Variants in SEPTIN11 observed in about 807,000 individuals in gnomAD.
SEPTIN11 encodes septin 11.
SEPTIN11 carries 25 observed loss-of-function variants against 51.4 expected under a neutral mutation model. The observed-to-expected ratio is 0.49, with a 90% CI of 0.35 to 0.68. SEPTIN11 has a LOEUF of 0.68. SEPTIN11 is among the 30% of genes least tolerant of loss of function. The probability of loss-of-function intolerance (pLI) is 0.00; values close to 1 mark genes in which losing one functional copy is unlikely to be tolerated. For synonymous variants in SEPTIN11, 174 were observed against 184.1 expected (o/e 0.95, Z 0.44); for missense variants, 381 against 520.8 (o/e 0.73, Z 2.61).
chr4:76,984,190 C>T lies in SEPTIN11; in HGVS notation c.28-12235C>T, dbSNP rs559228732. On this transcript the variant is annotated intron_variant, in intron 1 of 9. Coordinates refer to ENST00000264893, the MANE Select transcript of SEPTIN11 (RefSeq NM_018243.4). This position sits in a 1 kb window ranked among gnomAD's most constrained non-coding sequence, Gnocchi z 4.1. Reference sequence around the variant, plus strand: ...ATTTTCAGGTGCTGGAAATGTGTCACTGGACTCAGATGTTCTAGGTCAGCC... The same window carrying T: ...ATTTTCAGGTGCTGGAAATGTGTCATTGGACTCAGATGTTCTAGGTCAGCC... Among the ~76,000 whole-genome samples, 3 of 152,252 alleles carry T rather than the reference C, an allele frequency of 2.0e-5. No homozygotes were observed. In the South Asian group the frequency reaches 6.2e-4, roughly 32 times the overall value.
rs1249537454 is a variant in SEPTIN11, at chr4:77,035,764, A to G, written c.*1252A>G. 2.0e-6 allele frequency: 2 copies of G among 985,768 alleles called. No individual in the cohort carries two copies. Among genetic ancestry groups the G allele is most frequent in the African/African-American group, 1.7e-5 (1 of 57,256 alleles). 61.1% of individuals were successfully genotyped at this position (985,768 alleles called of 1,614,324 possible). ...TCATCAGGGATTAGAACTGGCCCATATGCCAGAACCTGTACTAAATGCCTA... is the reference window on the plus strand; with the variant it reads ...TCATCAGGGATTAGAACTGGCCCATGTGCCAGAACCTGTACTAAATGCCTA... On this transcript the variant is annotated 3_prime_UTR_variant, in exon 10 of 10. Coordinates refer to ENST00000264893, the MANE Select transcript of SEPTIN11 (RefSeq NM_018243.4).
In SEPTIN11 at chr4:77,024,090, A is replaced by G. The variant is rs6811606; in HGVS notation, c.953+3420A>G. Reference sequence around the variant, plus strand: ...TGTAAAACAGAGAGTGACCTCTAACACCAAGTCTAGTAAGAGGCAGTGCCA... The same window carrying G: ...TGTAAAACAGAGAGTGACCTCTAACGCCAAGTCTAGTAAGAGGCAGTGCCA... On this transcript the variant is annotated intron_variant, in intron 7 of 9. Coordinates refer to ENST00000264893, the MANE Select transcript of SEPTIN11 (RefSeq NM_018243.4). This position sits in a 1 kb window ranked among gnomAD's most constrained non-coding sequence, Gnocchi z 4.2. Among the ~76,000 whole-genome samples, 74,135 of 151,824 alleles carry G rather than the reference A, an allele frequency of 0.49. 19,192 individuals carry two copies. The highest frequency in any genetic ancestry group is 0.64 in the African/African-American group (26,654 of 41,408).
At chr4:77,039,237 T>C (rs1727231552), downstream of SEPTIN11, 1 of 1,210,564 alleles carries the variant, frequency 8.3e-7, no homozygotes, top group South Asian at 1.5e-5. Context: ...ATTGCACTGC[T>C]GTTTGTACTT....
At position 77,038,527 on chromosome 4, in the gene SEPTIN11, G is replaced by C; in HGVS notation, c.*4015G>C. The C allele has an allele frequency of 1.0e-6, 1 of 986,130 alleles. No individual in the cohort carries two copies. Among genetic ancestry groups the C allele is most frequent in the Non-Finnish European group, 1.2e-6 (1 of 830,132 alleles). 61.1% of individuals were successfully genotyped at this position (986,130 alleles called of 1,614,324 possible). On this transcript the variant is annotated 3_prime_UTR_variant, in exon 10 of 10. Transcript: ENST00000264893. ...TGCTTGGTAATTTGGCATCTGTTAA[G>C]GTAGGAGAGTGGTGAACAGATAATC...
Position 77,036,823 on chromosome 4 carries a change from C to T in SEPTIN11, c.*2311C>T, listed in dbSNP as rs1356347790. 6.6e-7 allele frequency: 1 copy of T among 1,523,966 alleles called. No homozygotes were observed. The highest frequency in any genetic ancestry group is 1.4e-5 in the African/African-American group (1 of 71,940). The allele number at this position is 1,523,966 out of a possible 1,614,324, so 94.4% of individuals were successfully genotyped here. On this transcript the variant is annotated 3_prime_UTR_variant, in exon 10 of 10. Transcript: ENST00000264893. ...ATACCCTCAAATCTAATTGGATGTGCTTTCGCCTTTGCATGTAAGTACGGT... is the reference window on the plus strand; with the variant it reads ...ATACCCTCAAATCTAATTGGATGTGTTTTCGCCTTTGCATGTAAGTACGGT...
At chr4:77,039,373 G>A (rs12504031), downstream of SEPTIN11, 64,715 of 1,083,354 alleles carry the variant, frequency 0.06, 2,099 homozygotes, top group Non-Finnish European at 0.067. Context: ...CAAGACCCAA[G>A]GTCTTGTGCT....
intron 9 of SEPTIN11, among the ~76,000 whole-genome samples, chr4:77,032,611 T>C (rs922580689): frequency 6.6e-6 from 1 of 152,168 alleles, no homozygotes; most frequent in Non-Finnish European, 1.5e-5. Flanking sequence ...TCTATAGGTA[T>C]GAATGAGACA....
intron 2 of SEPTIN11, among the ~76,000 whole-genome samples, chr4:76,997,422 C>T (rs1723799258): frequency 6.6e-6 from 1 of 152,194 alleles, no homozygotes; most frequent in African/African-American, 2.4e-5. Context: ...GTGAGAACCA[C>T]CATTTGCTTA....
intron 9 of SEPTIN11, among the ~76,000 whole-genome samples, chr4:77,034,191 T>G (rs555757567): frequency 6.6e-6 from 1 of 152,354 alleles, no homozygotes; most frequent in East Asian, 1.9e-4. Context: ...TTTGTGTTAT[T>G]TGAGAAAACA....
chr4:77,010,426 T>C (rs1335311976), intron 3 of SEPTIN11, among the ~76,000 whole-genome samples: 1 of 152,082 alleles, frequency 6.6e-6, no homozygotes, highest in East Asian at 1.9e-4. Flanking sequence ...TGTCATGATT[T>C]GGAACTTTAT....
At chr4:76,949,952 G>A in intron 1 of SEPTIN11, 22 bp downstream of exon 1, 1 of 1,458,744 alleles carries the variant, frequency 6.9e-7, no homozygotes, top group East Asian at 2.9e-5. Flanking sequence ...GGCCTCGCCT[G>A]CTGCTCCTCG....
chr4:76,990,299 G>C (rs1723298831), intron 1 of SEPTIN11, among the ~76,000 whole-genome samples: 1 of 152,096 alleles, frequency 6.6e-6, no homozygotes, highest in Non-Finnish European at 1.5e-5. Flanking sequence ...TAATCCTCTT[G>C]CTAGCTACAG....
intron 4 of SEPTIN11, among the ~76,000 whole-genome samples, chr4:77,013,196 G>A (rs952050524): frequency 2.6e-5 from 4 of 152,094 alleles, no homozygotes; most frequent in East Asian, 1.9e-4. Context: ...CATTGAAAAC[G>A]GAAAAGAAAA....
intron 1 of SEPTIN11, among the ~76,000 whole-genome samples, chr4:76,975,787 C>T (rs1349798664): frequency 2.0e-5 from 3 of 152,248 alleles, no homozygotes; most frequent in Non-Finnish European, 4.4e-5. Context: ...TTTAAAGTAA[C>T]TCATCTACTC....
chr4:77,016,635 T>TATATATATATATATATATACAC lies in SEPTIN11; in HGVS notation c.687+1637_687+1638insCACATATATATATATATATATA, dbSNP rs1560736322. Among the ~76,000 whole-genome samples, 5 of 54,962 alleles carry TATATATATATATATATATACAC rather than the reference T, an allele frequency of 9.1e-5. 1 individual carries two copies. Among genetic ancestry groups the TATATATATATATATATATACAC allele is most frequent in the African/African-American group, 2.7e-4 (4 of 14,968 alleles). 36.1% of individuals were successfully genotyped at this position (54,962 alleles called of 152,430 possible). ...ATACACATATATATATATATACACA[T>TATATATATATATATATATACAC]ATATATATATATATATATATACACA... On this transcript the variant is annotated intron_variant, in intron 5 of 9. Coordinates refer to ENST00000264893, the MANE Select transcript of SEPTIN11 (RefSeq NM_018243.4).
intron 1 of SEPTIN11, among the ~76,000 whole-genome samples, chr4:76,955,806 G>A (rs774743868): frequency 3.3e-5 from 5 of 152,118 alleles, no homozygotes; most frequent in African/African-American, 4.8e-5. Flanking sequence ...ATATGACAAC[G>A]ACAATGCTAG....
intron 1 of SEPTIN11, among the ~76,000 whole-genome samples, chr4:76,962,757 T>C (rs923631961): frequency 6.6e-6 from 1 of 152,216 alleles, no homozygotes; most frequent in Admixed American, 6.5e-5. Context: ...CAAAATAAGC[T>C]CATTTGGAAA....
Position 77,036,912 on chromosome 4 carries a change from A to AT in SEPTIN11, c.*2410dup, listed in dbSNP as rs1041715978. On this transcript the variant is annotated 3_prime_UTR_variant, in exon 10 of 10. Transcript: ENST00000264893. The stretch of plus-strand genomic sequence containing the variant: ...TAGAGAAAGCAAATGGGATGGATAG[A>AT]TTTTTTTTTTCTTTTCAAGGGGGGC... The AT allele has an allele frequency of 1.3e-3, 1,717 of 1,290,256 alleles. 2 individuals are homozygous for AT. Among genetic ancestry groups the AT allele is most frequent in the South Asian group, 3.4e-3 (156 of 45,886 alleles). 79.9% of individuals were successfully genotyped at this position (1,290,256 alleles called of 1,614,324 possible).
chr4:76,971,900 T>G (rs1430050272), intron 1 of SEPTIN11, among the ~76,000 whole-genome samples: 1 of 152,252 alleles, frequency 6.6e-6, no homozygotes, highest in East Asian at 1.9e-4. Flanking sequence ...AGCTCTGCAT[T>G]GTCTTCTTAA....
Sources: gnomAD v4.1 joint callset for allele counts (sites outside exome capture counted in the v4.1 genomes callset) on GRCh38, gnomAD v4.1.1 for gene constraint, Gnocchi (gnomAD v3.1) non-coding constraint, MANE v1.5 for transcripts, NCBI Gene and HGNC (gene_info 2026-07-23, HGNC 2026-07-21) for gene names.